MYO16: variants seen among roughly 807,000 people sequenced by gnomAD.
The protein encoded by MYO16 is unconventional myosin-XVI.
MYO16 carries 94 observed loss-of-function variants against 205.3 expected under a neutral mutation model. The ratio of observed to expected loss-of-function variants is 0.46; its 90% CI spans 0.39 to 0.54. The LOEUF is 0.54. Among genes scored for constraint, MYO16 ranks in the 20% least tolerant of loss-of-function variants. The pLI, the probability that MYO16 is intolerant of heterozygous loss-of-function variation, is 0.00. For missense variants in MYO16, 2,315 were observed against 2,387.5 expected (o/e 0.97, Z 0.63); for synonymous variants, 988 against 954.0 (o/e 1.04, Z -0.66).
At chr13:108,862,291 A>G (rs1878484706) in intron 11 of MYO16, among the ~76,000 whole-genome samples, 2 of 152,176 alleles carry the variant, frequency 1.3e-5, no homozygotes, top group Admixed American at 1.3e-4. Flanking sequence ...TTGTATGCAG[A>G]AGAGTTGCAT....
intron 20 of MYO16, among the ~76,000 whole-genome samples, chr13:108,987,139 C>T (rs555784491): frequency 8.5e-5 from 13 of 152,296 alleles, no homozygotes; most frequent in African/African-American, 3.1e-4. Flanking sequence ...ACATATATTT[C>T]TGTGGGGAAA....
At chr13:108,883,219 A>C (rs1182828526) in intron 13 of MYO16, 33 bp downstream of exon 13, 1 of 1,602,812 alleles carries the variant, frequency 6.2e-7, no homozygotes, top group South Asian at 1.1e-5. Flanking sequence ...TGCCAGGCTC[A>C]GGTTTGCCAC....
chr13:109,196,223 T>C (rs1025811634), intron 34 of MYO16, among the ~76,000 whole-genome samples: 1 of 152,310 alleles, frequency 6.6e-6, no homozygotes. Flanking sequence ...ATTCATGTCT[T>C]GAATGTCTAA....
At position 108,753,370 on chromosome 13, in the gene MYO16, C is replaced by CAAAAAAAAAAAAAAAAAAAAAAA. The variant is rs534466420; in HGVS notation, c.507+25790_507+25812dup. Among the ~76,000 whole-genome samples, 14 of 111,778 alleles carry CAAAAAAAAAAAAAAAAAAAAAAA rather than the reference C, an allele frequency of 1.3e-4. 1 individual carries two copies. The highest frequency in any genetic ancestry group is 5.3e-4 in the African/African-American group (14 of 26,228). 73.3% of individuals were successfully genotyped at this position (111,778 alleles called of 152,430 possible). A position where few individuals can be genotyped will look rare whatever the true frequency, so the allele number is the denominator to read the frequency against. ...GGGCAATAAGAGCAAAACTCTGTGA[C>CAAAAAAAAAAAAAAAAAAAAAAA]AAAAAAAAAAAAAAAAAAAAAAAAA... On this transcript the variant is annotated intron_variant, in intron 4 of 34. Coordinates refer to ENST00000457511, the MANE Select transcript of MYO16 (RefSeq NM_001198950.3).
intron 21 of MYO16, among the ~76,000 whole-genome samples, chr13:109,006,508 G>A (rs1239491229): frequency 6.6e-6 from 1 of 152,102 alleles, no homozygotes. Context: ...CCAAAGTGCT[G>A]GGGTTACAGG....
rs1220749530 is a variant in MYO16 at position 109,023,587 on chromosome 13, A to C, written c.2796+3676A>C. Among the ~76,000 whole-genome samples the C allele has an allele frequency of 2.4e-5, 3 of 125,960 alleles. No individual in the cohort carries two copies. The South Asian group carries it at 7.1e-4, about 30-fold the overall frequency. The allele number at this position is 125,960 out of a possible 152,430, so 82.6% of individuals were successfully genotyped here. A position where few individuals can be genotyped will look rare whatever the true frequency, so the allele number is the denominator to read the frequency against. ...TACAAATACATGTATATATTTATATATACAAATATAAATGTACATATTTAT... is the reference window on the plus strand; with the variant it reads ...TACAAATACATGTATATATTTATATCTACAAATATAAATGTACATATTTAT... On this transcript the variant is annotated intron_variant, in intron 23 of 34. Transcript: ENST00000457511.
intron 20 of MYO16, among the ~76,000 whole-genome samples, chr13:108,990,890 C>T (rs753391333): frequency 2.0e-5 from 3 of 151,956 alleles, no homozygotes; most frequent in African/African-American, 4.8e-5. Flanking sequence ...ATGTACTGTA[C>T]GTGAAAAACA....
intron 23 of MYO16, among the ~76,000 whole-genome samples, chr13:109,029,355 C>T (rs912417137): frequency 6.6e-6 from 1 of 151,946 alleles, no homozygotes; most frequent in Non-Finnish European, 1.5e-5. Context: ...CCACTCTCCT[C>T]GGCCTCCCAC....
chr13:108,842,144 T>G (rs1024471993), intron 9 of MYO16, among the ~76,000 whole-genome samples: 1 of 151,954 alleles, frequency 6.6e-6, no homozygotes, highest in Non-Finnish European at 1.5e-5. Context: ...CTCAACAACT[T>G]TTGTGGCAGT....
At chr13:108,755,563 AAAATC>A (rs1187143533) in intron 4 of MYO16, among the ~76,000 whole-genome samples, 1 of 151,964 alleles carries the variant, frequency 6.6e-6, no homozygotes, top group Non-Finnish European at 1.5e-5. Flanking sequence ...CAAAAAAAAA[AAAATC>A]AAAGGCATAG....
At chr13:109,175,749 T>G (rs1879141526) in intron 33 of MYO16, among the ~76,000 whole-genome samples, 1 of 151,684 alleles carries the variant, frequency 6.6e-6, no homozygotes, top group African/African-American at 2.4e-5. Context: ...CAGAAGCTCC[T>G]TCTCAGACAG....
At chr13:108,686,219 G>C (rs1468206281) in intron 2 of MYO16, among the ~76,000 whole-genome samples, 1 of 152,186 alleles carries the variant, frequency 6.6e-6, no homozygotes, top group Non-Finnish European at 1.5e-5. Flanking sequence ...ATACTCAGTC[G>C]AGTGGGCTGG....
intron 8 of MYO16, among the ~76,000 whole-genome samples, chr13:108,821,501 G>T (rs1231286115): frequency 2.6e-5 from 4 of 152,162 alleles, no homozygotes; most frequent in African/African-American, 9.6e-5. Flanking sequence ...GACATTTTTA[G>T]ATATTTTCTT....
At chr13:109,034,262 T>C (rs543745175) in intron 23 of MYO16, among the ~76,000 whole-genome samples, 2 of 152,228 alleles carry the variant, frequency 1.3e-5, no homozygotes, top group Non-Finnish European at 2.9e-5. Flanking sequence ...TATGATATGC[T>C]TAGGCTTTAT....
intron 33 of MYO16, among the ~76,000 whole-genome samples, chr13:109,176,545 T>C (rs1879186820): frequency 1.9e-5 from 2 of 103,104 alleles, no homozygotes; most frequent in South Asian, 6.9e-4. Context: ...GTACTGCTTC[T>C]AATACGGCAG....
rs116158469 is a variant in MYO16 at position 109,184,039 on chromosome 13, T to C, written c.5415+4406T>C. ...TATTCATTGTATTTGTTATATAGAC[T>C]GAAATATATTATAGCATGGAATTAA... On this transcript the variant is annotated intron_variant, in intron 34 of 34. Transcript: ENST00000457511. 8.5e-3 allele frequency among the ~76,000 whole-genome samples: 1,299 copies of C among 152,312 alleles called. 9 individuals are homozygous for C. The highest frequency in any genetic ancestry group is 0.028 in the South Asian group (137 of 4,826).
At chr13:108,680,818 T>C (rs1882431123) in intron 2 of MYO16, among the ~76,000 whole-genome samples, 1 of 152,168 alleles carries the variant, frequency 6.6e-6, no homozygotes, top group Non-Finnish European at 1.5e-5. Context: ...CAGGGCTTTA[T>C]TAGGGTCCCA....
At chr13:109,203,055 A>C (rs1360109569) in intron 34 of MYO16, among the ~76,000 whole-genome samples, 1 of 152,230 alleles carries the variant, frequency 6.6e-6, no homozygotes, top group Non-Finnish European at 1.5e-5. Flanking sequence ...CTCCAGATAG[A>C]TCAAGGACTT....
intron 1 of MYO16, among the ~76,000 whole-genome samples, chr13:108,608,090 TA>T (rs1879027547): frequency 6.6e-6 from 1 of 152,234 alleles, no homozygotes; most frequent in African/African-American, 2.4e-5. Context: ...TAACGATCGA[TA>T]ATTATCACTT....
Sources: gnomAD v4.1 joint callset for allele counts (sites outside exome capture counted in the v4.1 genomes callset) on GRCh38, gnomAD v4.1.1 for gene constraint, MANE v1.5 for transcripts, NCBI Gene and HGNC (gene_info 2026-07-23, HGNC 2026-07-21) for gene names.